The following MBD5 variants were observed in gnomAD, a reference collection of about 807,000 sequenced individuals.
MBD5 encodes methyl-CpG binding domain protein 5, also known as methyl-CpG-binding domain protein 5.
Under a neutral mutation model 117.3 loss-of-function variants are expected in MBD5, and 13 were observed. The ratio of observed to expected loss-of-function variants is 0.11; its 90% confidence interval spans 0.07 to 0.18. The LOEUF is 0.18. Ranked by LOEUF, MBD5 falls within the 10% of genes least tolerant of loss-of-function variation. The probability of loss-of-function intolerance (pLI) is 1.00; values close to 1 mark genes in which losing one functional copy is unlikely to be tolerated. For synonymous variants in MBD5, 727 were observed against 766.4 expected, an observed-to-expected ratio of 0.95 and a Z score of 0.85; for missense variants, 1,879 against 2,093.8, an observed-to-expected ratio of 0.90 and a Z score of 2.00.
chr2:148,072,343 G>A (rs1695380213), intron 1 of MBD5, among the ~76,000 whole-genome samples: 1 of 152,084 alleles, frequency 6.6e-6, no homozygotes. Context: ...CATCCAGTAG[G>A]ATAACATATT....
rs144813175 is a variant in MBD5, at chr2:148,212,542, G to A, written c.-830-20703G>A. On this transcript the variant is annotated intron_variant, in intron 2 of 13. Coordinates refer to ENST00000642680, the MANE Select transcript of MBD5 (RefSeq NM_001378120.1). Reference sequence around the variant, plus strand: ...CAATGATAAAAAGCCTGAAATTATAGTTTGGTATAGAGCAGTCTTTGACGT... The same window carrying A: ...CAATGATAAAAAGCCTGAAATTATAATTTGGTATAGAGCAGTCTTTGACGT... 2.3e-3 allele frequency among the ~76,000 whole-genome samples: 355 copies of A among 152,256 alleles called. 2 individuals are homozygous for A. Among genetic ancestry groups the A allele is most frequent in the African/African-American group, 8.1e-3 (335 of 41,532 alleles).
At chr2:148,461,223 G>T (rs1189229471) in intron 5 of MBD5, among the ~76,000 whole-genome samples, 1 of 152,088 alleles carries the variant, frequency 6.6e-6, no homozygotes, top group Non-Finnish European at 1.5e-5. Flanking sequence ...GTGAGCCACT[G>T]CACTCAGCCT....
At chr2:148,511,649 A>AG (rs34905945) in intron 13 of MBD5, among the ~76,000 whole-genome samples, 35,358 of 152,080 alleles carry the variant, frequency 0.23, 6,724 homozygotes, top group African/African-American at 0.53. Flanking sequence ...ATACCATTTC[A>AG]GCCACATTTG....
chr2:148,238,941 G>A (rs1333392214), intron 3 of MBD5, among the ~76,000 whole-genome samples: 1 of 151,734 alleles, frequency 6.6e-6, no homozygotes, highest in Non-Finnish European at 1.5e-5. Flanking sequence ...ATAGGTACTA[G>A]AGGTTAGGAC....
intron 1 of MBD5, among the ~76,000 whole-genome samples, chr2:148,098,887 CAATAA>C (rs1157565177): frequency 1.3e-5 from 2 of 151,748 alleles, no homozygotes; most frequent in Non-Finnish European, 2.9e-5. Context: ...CCTGTCTCTA[CAATAA>C]AATAAAATAA....
chr2:148,383,934 T>C (rs1397693916), intron 4 of MBD5, among the ~76,000 whole-genome samples: 1 of 152,196 alleles, frequency 6.6e-6, no homozygotes, highest in Non-Finnish European at 1.5e-5. Flanking sequence ...AAACTCTCAA[T>C]ACATTAGGTA....
chr2:148,144,850 C>G (rs144089212), intron 1 of MBD5, among the ~76,000 whole-genome samples: 1,882 of 152,076 alleles, frequency 0.012, 44 homozygotes, highest in African/African-American at 0.043. Context: ...GGTTACTGTA[C>G]CCTTGTAGTA....
intron 2 of MBD5, among the ~76,000 whole-genome samples, chr2:148,222,662 G>A (rs183791541): frequency 1.4e-3 from 212 of 152,066 alleles, no homozygotes; most frequent in Admixed American, 2.9e-3. Context: ...GTGTATGTGT[G>A]TGTGTGTGTT....
chr2:148,311,341 G>A (rs1358216108), intron 3 of MBD5, among the ~76,000 whole-genome samples: 1 of 152,092 alleles, frequency 6.6e-6, no homozygotes, highest in Non-Finnish European at 1.5e-5. Context: ...CCTGTTATTA[G>A]GTGCATATAT....
In MBD5 at chr2:148,296,909, C is replaced by A. The variant is rs1402782358; in HGVS notation, c.-679-45305C>A. Among the ~76,000 whole-genome samples, 3 of 90,128 alleles carry A rather than the reference C, an allele frequency of 3.3e-5. No individual in the cohort carries two copies. In the East Asian group the frequency reaches 1.1e-3, roughly 32 times the overall value. The allele number at this position is 90,128 out of a possible 152,430, so 59.1% of individuals were successfully genotyped here. A position where few individuals can be genotyped will look rare whatever the true frequency, so the allele number is the denominator to read the frequency against. ...TGGAGACAGAGTCTCACTCTGTCGC[C>A]CAGGCTGTACTGGAGAGTACAGTGG... On this transcript the variant is annotated intron_variant, in intron 3 of 13. Transcript: ENST00000642680.
intron 1 of MBD5, among the ~76,000 whole-genome samples, chr2:148,115,058 T>A (rs543340114): frequency 6.6e-6 from 1 of 152,274 alleles, no homozygotes; most frequent in East Asian, 1.9e-4. Context: ...TTTTTAAATT[T>A]ATGAAAGTGG....
intron 4 of MBD5, among the ~76,000 whole-genome samples, chr2:148,376,555 C>A (rs1703993664): frequency 6.7e-6 from 1 of 150,356 alleles, no homozygotes; most frequent in South Asian, 2.1e-4. Flanking sequence ...GCGTGAGCCA[C>A]CGCGCCCGGC....
chr2:148,068,988 C>T (rs1488397511), intron 1 of MBD5, among the ~76,000 whole-genome samples: 1 of 152,140 alleles, frequency 6.6e-6, no homozygotes, highest in Non-Finnish European at 1.5e-5. Flanking sequence ...AACACTTAGA[C>T]TAAAACCAGT....
chr2:148,090,414 G>A (rs1016973768), intron 1 of MBD5, among the ~76,000 whole-genome samples: 9 of 151,786 alleles, frequency 5.9e-5, no homozygotes, highest in Non-Finnish European at 8.8e-5. Flanking sequence ...GCCAATATCT[G>A]TAATGAACAT....
In MBD5 at chr2:148,325,578, C is replaced by T. The variant is rs1433998488; in HGVS notation, c.-679-16636C>T. Among the ~76,000 whole-genome samples the T allele has an allele frequency of 9.2e-5, 14 of 152,160 alleles. No individual in the cohort carries two copies. In the South Asian group the frequency reaches 1.5e-3, roughly 16 times the overall value. ...TTTAGTCTTGGGAGAGTGTATGTGT[C>T]GAGGAATTTATCCATTTCTTCTAGA... is the stretch of plus-strand genomic sequence containing the variant. On this transcript the variant is annotated intron_variant, in intron 3 of 13. Transcript: ENST00000642680.
chr2:148,034,040 CA>C (rs1463627787), intron 1 of MBD5, among the ~76,000 whole-genome samples: 1 of 152,004 alleles, frequency 6.6e-6, no homozygotes, highest in Non-Finnish European at 1.5e-5. Context: ...GCAAAAAATG[CA>C]AAAATTAGCC....
intron 2 of MBD5, among the ~76,000 whole-genome samples, chr2:148,187,605 C>T (rs979311754): frequency 6.6e-6 from 1 of 152,082 alleles, no homozygotes; most frequent in Non-Finnish European, 1.5e-5. Context: ...GAACTGACTT[C>T]ACATCAGAAA....
intron 4 of MBD5, among the ~76,000 whole-genome samples, chr2:148,351,411 G>A (rs908564432): frequency 4.6e-5 from 7 of 151,858 alleles, no homozygotes; most frequent in Non-Finnish European, 8.8e-5. Flanking sequence ...TAATTTTAAG[G>A]TTCATCCATA....
intron 4 of MBD5, among the ~76,000 whole-genome samples, chr2:148,359,402 C>A (rs765931692): frequency 1.3e-5 from 2 of 151,840 alleles, no homozygotes; most frequent in African/African-American, 2.4e-5. Context: ...TTTCTTTGTG[C>A]TATATACCCA....
Sources: allele counts gnomAD v4.1 joint callset (sites outside exome capture counted in the v4.1 genomes callset), GRCh38; gene constraint gnomAD v4.1.1; transcripts MANE v1.5; gene names NCBI Gene and HGNC (gene_info 2026-07-23, HGNC 2026-07-21).